TMEM135: variants seen among roughly 807,000 people sequenced by gnomAD.
TMEM135 encodes peroxisomal membrane protein 52.
A neutral mutation model predicts 60.3 loss-of-function variants in TMEM135; 30 were observed. The observed-to-expected ratio is 0.50, with a 90% confidence interval of 0.37 to 0.68. The LOEUF is 0.68. Among genes scored for constraint, TMEM135 ranks in the 30% least tolerant of loss-of-function variants. TMEM135 has a pLI of 0.00. For synonymous variants in TMEM135, 190 were observed against 186.7 expected (o/e 1.02, Z -0.14); for missense variants, 468 against 548.8 (o/e 0.85, Z 1.47).
chr11:87,276,476 G>A (rs1941967464), intron 6 of TMEM135, among the ~76,000 whole-genome samples: 1 of 150,906 alleles, frequency 6.6e-6, no homozygotes, highest in African/African-American at 2.4e-5. Context: ...AGCCAATTTT[G>A]TTACTCTAGT....
At chr11:87,294,541 G>A (rs1292010031) in intron 6 of TMEM135, among the ~76,000 whole-genome samples, 4 of 152,104 alleles carry the variant, frequency 2.6e-5, no homozygotes, top group Non-Finnish European at 4.4e-5. Context: ...GTGCCACCAC[G>A]CCCGGCTAAT....
intron 3 of TMEM135, among the ~76,000 whole-genome samples, chr11:87,074,725 C>T (rs1052004733): frequency 8.5e-5 from 13 of 152,114 alleles, no homozygotes; most frequent in African/African-American, 2.7e-4. Context: ...AAACATCATG[C>T]CACTTTACTC....
chr11:87,071,687 T>TGC, intron 3 of TMEM135, 72 bp downstream of exon 3: 1 of 897,074 alleles, frequency 1.1e-6, no homozygotes, highest in Admixed American at 2.7e-5. Flanking sequence ...TTTTTTTTTT[T>TGC]AATTATCACT....
intron 5 of TMEM135, among the ~76,000 whole-genome samples, chr11:87,215,884 A>G (rs765850998): frequency 6.6e-6 from 1 of 152,114 alleles, no homozygotes; most frequent in African/African-American, 2.4e-5. Context: ...TCTCCCTTCT[A>G]TGCTGAATTT....
intron 6 of TMEM135, among the ~76,000 whole-genome samples, chr11:87,269,508 A>G (rs1026757914): frequency 5.6e-5 from 8 of 143,812 alleles, no homozygotes; most frequent in Admixed American, 2.1e-4. Context: ...CTCCCACCCC[A>G]CAACAGTCCC....
rs146118242 is a variant in TMEM135, at chr11:87,141,317, C to A, written c.397-16024C>A. ...TTTACTTCCTTTGTTAAGCTTTATT[C>A]CTAAATGTTTAATATATTTGTATTC... is the stretch of plus-strand genomic sequence containing the variant. On this transcript the variant is annotated intron_variant, in intron 4 of 14. Coordinates refer to ENST00000305494, the MANE Select transcript of TMEM135 (RefSeq NM_022918.4). Among the ~76,000 whole-genome samples, 5 of 151,942 alleles carry A rather than the reference C, an allele frequency of 3.3e-5. No homozygotes were observed. The South Asian group carries it at 1.0e-3, about 32-fold the overall frequency.
chr11:87,226,117 GACCATAAAATAGAGGA>G (rs1940759924), intron 5 of TMEM135, among the ~76,000 whole-genome samples: 1 of 152,042 alleles, frequency 6.6e-6, no homozygotes, highest in Non-Finnish European at 1.5e-5. Context: ...CCAATTAATT[GACCATAAAATAGAGGA>G]ACCATGGGAA....
chr11:87,253,581 A>G (rs181197796), intron 6 of TMEM135, among the ~76,000 whole-genome samples: 7 of 100,176 alleles, frequency 7.0e-5, no homozygotes, highest in Admixed American at 1.0e-4. Flanking sequence ...TCCACTGGAT[A>G]CAGTAGCCTC....
chr11:87,248,094 C>A (rs1055049811), intron 6 of TMEM135, among the ~76,000 whole-genome samples: 7 of 151,462 alleles, frequency 4.6e-5, no homozygotes, highest in Non-Finnish European at 8.8e-5. Context: ...TTTATCCATT[C>A]ATGTGTTGAT....
Position 87,302,408 on chromosome 11 carries a change from A to G in TMEM135, c.664A>G (p.Met222Val), listed in dbSNP as rs1350167813. The stretch of plus-strand genomic sequence containing the variant: ...TGAGGAAAAACCCGGAAGAATGAAT[A>G]TGATTGGTCTAGTCAGGAAATTTGT... ...QHEEKPGRMN[M>V]IGLVRKFVDS... Residue 222 changes from methionine to valine, a missense_variant, in exon 8 of 15, where the codon ATG becomes GTG. Met to Val is a conservative substitution (Grantham distance 21). Coordinates refer to ENST00000305494, the MANE Select transcript of TMEM135 (RefSeq NM_022918.4). The G allele has an allele frequency of 1.2e-6, 2 of 1,613,890 alleles. No individual in the cohort carries two copies. Among genetic ancestry groups the G allele is most frequent in the South Asian group, 1.1e-5 (1 of 91,082 alleles).
chr11:87,244,664 G>T (rs542543519), intron 6 of TMEM135, among the ~76,000 whole-genome samples: 1 of 86,048 alleles, frequency 1.2e-5, no homozygotes, highest in East Asian at 2.2e-4. Flanking sequence ...TTCTCTGATG[G>T]TAGTTTGTAT....
intron 5 of TMEM135, among the ~76,000 whole-genome samples, chr11:87,190,246 C>T (rs988639338): frequency 2.6e-5 from 4 of 152,160 alleles, no homozygotes; most frequent in African/African-American, 9.7e-5. Context: ...AGTACTGTCA[C>T]TGACTACTTC....
chr11:87,258,841 G>T lies in TMEM135; in HGVS notation c.509+22157G>T, dbSNP rs973589962. 1.8e-5 allele frequency: 13 copies of T among 740,396 alleles called. No individual in the cohort carries two copies. The African/African-American group carries it at 2.2e-4, about 13-fold the overall frequency. 45.9% of individuals were successfully genotyped at this position (740,396 alleles called of 1,614,324 possible). A position where few individuals can be genotyped will look rare whatever the true frequency, so the allele number is the denominator to read the frequency against. On this transcript the variant is annotated intron_variant, in intron 6 of 14. Transcript: ENST00000305494. The stretch of plus-strand genomic sequence containing the variant: ...CCACGGAGACAGCTCATATACGGCA[G>T]TAACAATCTAGATCTTTCCAGGAAG...
At chr11:87,261,606 T>C (rs769230771) in intron 6 of TMEM135, among the ~76,000 whole-genome samples, 1 of 152,198 alleles carries the variant, frequency 6.6e-6, no homozygotes, top group Non-Finnish European at 1.5e-5. Flanking sequence ...GTTCAAACCA[T>C]CTTAACAGTT....
intron 11 of TMEM135, among the ~76,000 whole-genome samples, chr11:87,314,217 A>G (rs1942687685): frequency 6.6e-6 from 1 of 151,880 alleles, no homozygotes; most frequent in Non-Finnish European, 1.5e-5. Context: ...TTAAAGTTAA[A>G]ATAGAAATGT....
At chr11:87,181,444 G>A (rs1939512978) in intron 5 of TMEM135, among the ~76,000 whole-genome samples, 1 of 152,142 alleles carries the variant, frequency 6.6e-6, no homozygotes, top group Non-Finnish European at 1.5e-5. Context: ...CATCTTTGGT[G>A]AAAGACACAT....
intron 2 of TMEM135, among the ~76,000 whole-genome samples, chr11:87,068,552 T>C (rs972633738): frequency 9.5e-4 from 144 of 152,326 alleles, no homozygotes; most frequent in African/African-American, 3.2e-3. Context: ...GGCTCACGCC[T>C]GTAATCCCAG....
At chr11:87,141,835 A>T (rs581833) in intron 4 of TMEM135, among the ~76,000 whole-genome samples, 72,259 of 151,938 alleles carry the variant, frequency 0.48, 17,486 homozygotes, top group East Asian at 0.67. Context: ...AATTAAAAAA[A>T]TTTAAAATTT....
At chr11:87,241,601 C>T (rs114303156) in intron 6 of TMEM135, among the ~76,000 whole-genome samples, 4,247 of 152,022 alleles carry the variant, frequency 0.028, 185 homozygotes, top group African/African-American at 0.093. Context: ...AGTTCTTATT[C>T]TTTGTATCTA....
Sources: allele counts gnomAD v4.1 joint callset (sites outside exome capture counted in the v4.1 genomes callset), GRCh38; gene constraint gnomAD v4.1.1; transcripts MANE v1.5; gene names NCBI Gene and HGNC (gene_info 2026-07-23, HGNC 2026-07-21).